NRXN1: variants seen among roughly 807,000 people sequenced by gnomAD.
NRXN1 encodes neurexin 1.
Under a neutral mutation model 150.9 loss-of-function variants are expected in NRXN1, and 39 were observed. That is an observed-to-expected ratio of 0.26 (90% CI 0.20 to 0.34). The LOEUF (loss-of-function observed/expected upper bound fraction) is 0.34, where lower values mean the gene tolerates loss of function less well. Among genes scored for constraint, NRXN1 ranks in the 10% least tolerant of loss-of-function variants. NRXN1 has a pLI of 1.00. For synonymous variants in NRXN1, 924 were observed against 757.0 expected, an observed-to-expected ratio of 1.22 and a Z score of -3.62; for missense variants, 1,815 against 1,949.9, an observed-to-expected ratio of 0.93 and a Z score of 1.30.
At chr2:50,123,051 T>A (rs1314568894) in intron 18 of NRXN1, among the ~76,000 whole-genome samples, 1 of 152,198 alleles carries the variant, frequency 6.6e-6, no homozygotes, top group Non-Finnish European at 1.5e-5. Flanking sequence ...AAAATGTAAT[T>A]ACATTTATTT....
intron 8 of NRXN1, among the ~76,000 whole-genome samples, chr2:50,598,705 TACATATATATGTATATATAC>T (rs1465744317): frequency 1.6e-4 from 24 of 147,616 alleles, no homozygotes; most frequent in Admixed American, 4.1e-4. Context: ...TATATATATA[TACATATATATGTATATATAC>T]ACATATATAT....
chr2:50,798,728 T>C (rs1322640071), intron 5 of NRXN1, among the ~76,000 whole-genome samples: 5 of 152,226 alleles, frequency 3.3e-5, no homozygotes, highest in Non-Finnish European at 4.4e-5. Context: ...ATGCCGTGTC[T>C]CAAATGCTGC....
intron 5 of NRXN1, among the ~76,000 whole-genome samples, chr2:50,833,230 G>A (rs1445480643): frequency 6.6e-6 from 1 of 152,162 alleles, no homozygotes; most frequent in Non-Finnish European, 1.5e-5. Context: ...CATTGCTGGT[G>A]AGAATGCAAA....
intron 5 of NRXN1, among the ~76,000 whole-genome samples, chr2:50,850,170 G>A (rs768774353): frequency 1.3e-5 from 2 of 151,078 alleles, no homozygotes; most frequent in Non-Finnish European, 2.9e-5. Context: ...TGCAGCTACA[G>A]TGAGCTGTGA....
intron 18 of NRXN1, among the ~76,000 whole-genome samples, chr2:50,181,694 C>G (rs1177120957): frequency 6.6e-6 from 1 of 151,958 alleles, no homozygotes; most frequent in East Asian, 1.9e-4. Context: ...ATGAGTTTTA[C>G]TTTTTTTGTT....
intron 22 of NRXN1, among the ~76,000 whole-genome samples, chr2:49,942,201 G>A (rs1420473755): frequency 6.6e-6 from 1 of 152,070 alleles, no homozygotes; most frequent in Non-Finnish European, 1.5e-5. Context: ...GTTTCTGGGA[G>A]CTGAGAGTCC....
chr2:50,367,216 T>C (rs890171486), intron 17 of NRXN1, among the ~76,000 whole-genome samples: 1 of 151,990 alleles, frequency 6.6e-6, no homozygotes, highest in Middle Eastern at 3.4e-3. Flanking sequence ...TGTCGTTGAG[T>C]AAATAATACT....
intron 17 of NRXN1, among the ~76,000 whole-genome samples, chr2:50,370,970 A>G (rs1000654920): frequency 6.6e-6 from 1 of 152,056 alleles, no homozygotes; most frequent in African/African-American, 2.4e-5. Context: ...TATCTGAGAT[A>G]CTAAGGAACT....
chr2:50,357,597 C>T (rs1272349714), intron 17 of NRXN1, among the ~76,000 whole-genome samples: 4 of 152,010 alleles, frequency 2.6e-5, no homozygotes, highest in Admixed American at 6.6e-5. Context: ...CATGAGCTAC[C>T]GCGCCCAGGC....
chr2:50,405,513 C>T (rs962008396), intron 17 of NRXN1, among the ~76,000 whole-genome samples: 1 of 152,070 alleles, frequency 6.6e-6, no homozygotes, highest in Non-Finnish European at 1.5e-5. Context: ...GAAAATAAAA[C>T]AAAACTTCTT....
chr2:50,564,156 T>C (rs1290825691), intron 8 of NRXN1, among the ~76,000 whole-genome samples: 1 of 152,238 alleles, frequency 6.6e-6, no homozygotes, highest in Non-Finnish European at 1.5e-5. Context: ...CCAAGTTGCT[T>C]ATTCTTACTG....
rs145065909 is a variant in NRXN1 at position 50,320,576 on chromosome 2, C to A, written c.3365-83606G>T. On this transcript the variant is annotated intron_variant, in intron 17 of 22. Coordinates refer to ENST00000401669, the MANE Select transcript of NRXN1 (RefSeq NM_001330078.2). The stretch of plus-strand genomic sequence containing the variant: ...GACAAATACCAATGTGAGCAGGAGT[C>A]ATAAAGGCTTCCAAGAGGAACTAGA... Among the ~76,000 whole-genome samples, 837 of 151,702 alleles carry A rather than the reference C, an allele frequency of 5.5e-3. 5 individuals are homozygous for A. The highest frequency in any genetic ancestry group is 0.019 in the African/African-American group (805 of 41,356).
chr2:50,087,726 A>T (rs1372206389), intron 19 of NRXN1, among the ~76,000 whole-genome samples: 3 of 152,188 alleles, frequency 2.0e-5, no homozygotes, highest in Admixed American at 6.5e-5. Flanking sequence ...TTATTCTAAA[A>T]TGTAAACTGT....
At chr2:50,039,946 G>A (rs192694060) in intron 21 of NRXN1, among the ~76,000 whole-genome samples, 1 of 152,028 alleles carries the variant, frequency 6.6e-6, no homozygotes, top group African/African-American at 2.4e-5. Flanking sequence ...GAGTAGTCCA[G>A]GTAATATGAT....
chr2:50,522,405 C>T (rs2092812689), intron 12 of NRXN1, among the ~76,000 whole-genome samples: 1 of 152,152 alleles, frequency 6.6e-6, no homozygotes, highest in South Asian at 2.1e-4. Context: ...TTGAGAGTCT[C>T]TGCAGTATCA....
At chr2:50,085,717 T>A (rs1178446434) in intron 19 of NRXN1, among the ~76,000 whole-genome samples, 6 of 151,696 alleles carry the variant, frequency 4.0e-5, no homozygotes, top group South Asian at 2.1e-4. Flanking sequence ...TATAAGAAAA[T>A]TTTTTTTATG....
At chr2:50,704,299 A>T (rs372921775) in intron 5 of NRXN1, among the ~76,000 whole-genome samples, 4 of 152,030 alleles carry the variant, frequency 2.6e-5, no homozygotes, top group African/African-American at 7.2e-5. Flanking sequence ...GTCAAGCACA[A>T]TTTTTAAAAA....
chr2:50,528,929 TTGGCTTAGAC>T (rs2093028013), intron 11 of NRXN1: 1 of 355,656 alleles, frequency 2.8e-6, no homozygotes, highest in African/African-American at 2.2e-5. Flanking sequence ...TCAAAGATGT[TTGGCTTAGAC>T]TGGCTGCAAC....
At chr2:50,284,156 C>G (rs1325883102) in intron 17 of NRXN1, among the ~76,000 whole-genome samples, 1 of 152,216 alleles carries the variant, frequency 6.6e-6, no homozygotes, top group Non-Finnish European at 1.5e-5. Flanking sequence ...TGACATAACA[C>G]TGGTACAGTG....
Sources: gnomAD v4.1 joint callset for allele counts (sites outside exome capture counted in the v4.1 genomes callset) on GRCh38, gnomAD v4.1.1 for gene constraint, MANE v1.5 for transcripts, NCBI Gene and HGNC (gene_info 2026-07-23, HGNC 2026-07-21) for gene names.